PRKCB: variants seen among roughly 807,000 people sequenced by gnomAD.
The protein encoded by PRKCB is protein kinase C beta, also known as protein kinase C beta type.
In PRKCB, 13 loss-of-function variants were observed where a neutral mutation model predicts 81.5. The observed-to-expected ratio is 0.16, with a 90% CI of 0.10 to 0.25. The LOEUF is 0.25. Ranked by LOEUF, PRKCB falls within the 10% of genes least tolerant of loss-of-function variation. The pLI is 1.00. For missense variants in PRKCB, 509 were observed against 875.7 expected (o/e 0.58, Z 5.29); for synonymous variants, 335 against 321.4 (o/e 1.04, Z -0.45).
At chr16:24,109,581 G>C (rs1201803591) in intron 7 of PRKCB, among the ~76,000 whole-genome samples, 1 of 129,276 alleles carries the variant, frequency 7.7e-6, no homozygotes, top group Non-Finnish European at 1.6e-5. Context: ...TCACTTCCTA[G>C]GTGGGATGGC....
intron 2 of PRKCB, among the ~76,000 whole-genome samples, chr16:23,880,583 T>C (rs1276509151): frequency 1.3e-5 from 2 of 152,174 alleles, no homozygotes; most frequent in Admixed American, 6.5e-5. Flanking sequence ...TTCTATTTGT[T>C]ACTGGGGGTT....
At chr16:23,986,093 T>C (rs182641693) in intron 2 of PRKCB, among the ~76,000 whole-genome samples, 2 of 152,216 alleles carry the variant, frequency 1.3e-5, no homozygotes, top group African/African-American at 2.4e-5. Context: ...AAAGTGGAAA[T>C]GATGCCATAT....
chr16:24,014,593 T>A (rs553473953), intron 3 of PRKCB, among the ~76,000 whole-genome samples: 1 of 152,314 alleles, frequency 6.6e-6, no homozygotes, highest in Non-Finnish European at 1.5e-5. Context: ...ATATGGATAC[T>A]ACATGCCAGT....
intron 5 of PRKCB, among the ~76,000 whole-genome samples, chr16:24,069,688 C>T (rs1057066121): frequency 3.3e-5 from 5 of 152,102 alleles, no homozygotes; most frequent in Admixed American, 1.3e-4. Context: ...TGCAGTGAGT[C>T]GTGATTGCAC....
At position 24,103,203 on chromosome 16, in the gene PRKCB, A is replaced by T. The variant is rs71379846; in HGVS notation, c.821+8906A>T. On this transcript the variant is annotated intron_variant, in intron 7 of 16. Transcript: ENST00000643927. ...TAATGAACAAGCATTTAAGGGAATA[A>T]ATGTTTCCTCTGAGTTTTGATATGC... Among the ~76,000 whole-genome samples the T allele has an allele frequency of 6.3e-3, 952 of 152,300 alleles. 4 individuals carry two copies. The highest frequency in any genetic ancestry group is 9.9e-3 in the Non-Finnish European group (676 of 68,026).
intron 9 of PRKCB, among the ~76,000 whole-genome samples, chr16:24,138,889 G>C (rs914310391): frequency 6.3e-5 from 7 of 110,404 alleles, no homozygotes; most frequent in Non-Finnish European, 1.2e-4. Context: ...GTCTTGCTCT[G>C]TCTCCCAGGC....
At chr16:24,055,423 C>CTA (rs1318277137) in intron 5 of PRKCB, among the ~76,000 whole-genome samples, 5 of 152,244 alleles carry the variant, frequency 3.3e-5, no homozygotes, top group Non-Finnish European at 7.3e-5. Context: ...CCCTGACGAG[C>CTA]TGCATGCGGC....
intron 16 of PRKCB, among the ~76,000 whole-genome samples, chr16:24,194,962 G>A (rs1338564724): frequency 6.6e-6 from 1 of 152,162 alleles, no homozygotes; most frequent in Non-Finnish European, 1.5e-5. Flanking sequence ...CCCACACTTT[G>A]GAAGGCTGAG....
At chr16:24,108,295 AT>A (rs71154280) in intron 7 of PRKCB, among the ~76,000 whole-genome samples, 10,311 of 126,680 alleles carry the variant, frequency 0.081, 398 homozygotes, top group Middle Eastern at 0.21. Context: ...TTTTTTTATT[AT>A]TTTTTTTTAA....
Position 24,215,212 on chromosome 16 carries a change from T to C in PRKCB, c.*396T>C. 9.9e-7 allele frequency: 1 copy of C among 1,007,324 alleles called. No individual in the cohort carries two copies. The highest frequency in any genetic ancestry group is 1.2e-6 in the Non-Finnish European group (1 of 842,628). The allele number at this position is 1,007,324 out of a possible 1,614,324, so 62.4% of individuals were successfully genotyped here. A position where few individuals can be genotyped will look rare whatever the true frequency, so the allele number is the denominator to read the frequency against. On this transcript the variant is annotated 3_prime_UTR_variant, in exon 17 of 17. Coordinates refer to ENST00000643927, the MANE Select transcript of PRKCB (RefSeq NM_002738.7). ...AGCGGTACTCTTCCACTTCCGGGCCTGGAGCTTGGCTTGTATCCAAGTGTA... is the reference window on the plus strand; with the variant it reads ...AGCGGTACTCTTCCACTTCCGGGCCCGGAGCTTGGCTTGTATCCAAGTGTA...
At chr16:24,058,456 G>C (rs1332225139) in intron 5 of PRKCB, among the ~76,000 whole-genome samples, 1 of 152,024 alleles carries the variant, frequency 6.6e-6, no homozygotes, top group Non-Finnish European at 1.5e-5. Context: ...CTGCTAGGCA[G>C]AAGTGTAACC....
chr16:24,148,023 T>C (rs1198069310), intron 9 of PRKCB, among the ~76,000 whole-genome samples: 1 of 152,146 alleles, frequency 6.6e-6, no homozygotes, highest in Admixed American at 6.5e-5. Context: ...GTGATTCTAT[T>C]AGAGACAATT....
Position 23,923,398 on chromosome 16 carries a change from C to T in PRKCB, c.206-65110C>T, listed in dbSNP as rs1963853142. ...GTTCAAGTCCATGTAGAGAAGAGCA[C>T]CTCTTTCTCTTGTTATATCTCACAG... On this transcript the variant is annotated intron_variant, in intron 2 of 16. Transcript: ENST00000643927. Among the ~76,000 whole-genome samples the T allele has an allele frequency of 1.3e-5, 2 of 151,966 alleles. 1 individual carries two copies. Among genetic ancestry groups the T allele is most frequent in the Non-Finnish European group, 2.9e-5 (2 of 67,964 alleles).
At chr16:24,178,756 C>G (rs1488847123) in intron 12 of PRKCB, among the ~76,000 whole-genome samples, 1 of 152,152 alleles carries the variant, frequency 6.6e-6, no homozygotes, top group East Asian at 1.9e-4. Flanking sequence ...TGCAAGTGGA[C>G]CTCCCCATCC....
intron 2 of PRKCB, among the ~76,000 whole-genome samples, chr16:23,858,096 GGAT>G (rs71959489): frequency 0.13 from 20,015 of 151,876 alleles, 2,987 homozygotes; most frequent in African/African-American, 0.37. Flanking sequence ...TTGATGATGA[GGAT>G]GATGATGATG....
chr16:24,189,268 T>G (rs1212552217), intron 15 of PRKCB, among the ~76,000 whole-genome samples: 3 of 152,334 alleles, frequency 2.0e-5, no homozygotes, highest in South Asian at 2.1e-4. Flanking sequence ...GTTCATTGCC[T>G]TTTTATTCAA....
intron 2 of PRKCB, among the ~76,000 whole-genome samples, chr16:23,911,826 ATTTTTTTTT>A (rs58458568): frequency 7.0e-5 from 4 of 57,426 alleles, no homozygotes; most frequent in African/African-American, 2.7e-4. Context: ...CGCGACCCAC[ATTTTTTTTT>A]TTTTTTTTTT....
intron 16 of PRKCB, among the ~76,000 whole-genome samples, chr16:24,203,978 C>A (rs946178833): frequency 6.6e-6 from 1 of 151,970 alleles, no homozygotes; most frequent in African/African-American, 2.4e-5. Flanking sequence ...TCTAAAGTAG[C>A]ACTGGCAGGT....
intron 2 of PRKCB, among the ~76,000 whole-genome samples, chr16:23,951,725 T>C (rs1964287602): frequency 6.9e-6 from 1 of 144,530 alleles, no homozygotes; most frequent in Non-Finnish European, 1.5e-5. Flanking sequence ...GTCCCCTGTC[T>C]TTTTTTTTTT....
Sources: gnomAD v4.1 joint callset for allele counts (sites outside exome capture counted in the v4.1 genomes callset) on GRCh38, gnomAD v4.1.1 for gene constraint, MANE v1.5 for transcripts, NCBI Gene and HGNC (gene_info 2026-07-23, HGNC 2026-07-21) for gene names.